The following CSNK1E variants were observed in gnomAD, a reference collection of about 807,000 sequenced individuals.
CSNK1E encodes the protein casein kinase I isoform epsilon.
CSNK1E carries 17 observed loss-of-function variants against 46.1 expected under a neutral mutation model. The observed-to-expected ratio is 0.37, with a 90% CI of 0.25 to 0.55. The LOEUF (loss-of-function observed/expected upper bound fraction) is 0.55, where lower values mean the gene tolerates loss of function less well. CSNK1E is among the 20% of genes least tolerant of loss of function. The pLI, the probability that CSNK1E is intolerant of heterozygous loss-of-function variation, is 0.82. For missense variants in CSNK1E, 386 were observed against 595.4 expected (o/e 0.65, Z 3.66); for synonymous variants, 241 against 242.6 (o/e 0.99, Z 0.06).
intron 7 of CSNK1E, among the ~76,000 whole-genome samples, chr22:38,297,361 G>C (rs1269115142): frequency 1.3e-5 from 2 of 152,232 alleles, no homozygotes; most frequent in African/African-American, 4.8e-5. Flanking sequence ...GACGTCCCCT[G>C]CCCATATCCC....
intron 7 of CSNK1E, chr22:38,296,743 G>T: frequency 6.3e-7 from 1 of 1,582,356 alleles, no homozygotes; most frequent in Non-Finnish European, 8.6e-7. Context: ...CATAAGGGAG[G>T]AACCTAGAGC....
chr22:38,302,713 AAAAT>A lies in CSNK1E; in HGVS notation c.336+144_336+147del, dbSNP rs768022823. The stretch of plus-strand genomic sequence containing the variant: ...GCGACAGAGTGAGACTCCGCCTCAA[AAAAT>A]AAATAAACACCTACAATTCTATAGC... On this transcript the variant is annotated intron_variant, in intron 4 of 10. Coordinates refer to ENST00000396832, the MANE Select transcript of CSNK1E (RefSeq NM_152221.3). 560 of 984,520 alleles carry A rather than the reference AAAAT, an allele frequency of 5.7e-4. 4 individuals are homozygous for A. Among genetic ancestry groups the A allele is most frequent in the Middle Eastern group, 6.5e-4 (2 of 3,096 alleles). The allele number at this position is 984,520 out of a possible 1,614,324, so 61.0% of individuals were successfully genotyped here. A position where few individuals can be genotyped will look rare whatever the true frequency, so the allele number is the denominator to read the frequency against.
At chr22:38,293,882 T>C in intron 9 of CSNK1E, 1 of 563,188 alleles carries the variant, frequency 1.8e-6, no homozygotes, top group East Asian at 2.9e-5. Flanking sequence ...CTGTGCCACT[T>C]GCCAGGGAAT....
intron 10 of CSNK1E, chr22:38,292,280 CT>C (rs1569073641): frequency 6.6e-6 from 1 of 152,272 alleles, no homozygotes; most frequent in East Asian, 1.9e-4. Context: ...AGCCACTGCA[CT>C]TGGCCCCCCA....
At chr22:38,311,397 G>C (rs1164480055) in intron 2 of CSNK1E, among the ~76,000 whole-genome samples, 1 of 152,192 alleles carries the variant, frequency 6.6e-6, no homozygotes, top group Non-Finnish European at 1.5e-5. Flanking sequence ...AGATAAACAG[G>C]AAGTCCTGTC....
rs1023306806 is a variant in CSNK1E, at chr22:38,295,440, G to A, written c.886-906C>T. Reference sequence around the variant, plus strand: ...AAGGGCAGGGGGCTGGCAGGAAGGGGGCCGCATCTGTGGAGGAGAGAGCTC... The same window carrying A: ...AAGGGCAGGGGGCTGGCAGGAAGGGAGCCGCATCTGTGGAGGAGAGAGCTC... On this transcript the variant is annotated intron_variant, in intron 7 of 10. Transcript: ENST00000396832. 5.1e-6 allele frequency: 5 copies of A among 976,656 alleles called. No homozygotes were observed. In the African/African-American group the frequency reaches 7.0e-5, roughly 14 times the overall value. The allele number at this position is 976,656 out of a possible 1,614,324, so 60.5% of individuals were successfully genotyped here. A position where few individuals can be genotyped will look rare whatever the true frequency, so the allele number is the denominator to read the frequency against.
chr22:38,293,743 C>T (rs897524931), intron 9 of CSNK1E, among the ~76,000 whole-genome samples: 1 of 152,112 alleles, frequency 6.6e-6, no homozygotes, highest in Non-Finnish European at 1.5e-5. Context: ...TGCCCCTACA[C>T]CCCATGCTCT....
intron 2 of CSNK1E, among the ~76,000 whole-genome samples, chr22:38,306,727 CTCAA>C (rs1421931491): frequency 6.4e-5 from 2 of 31,300 alleles, no homozygotes; most frequent in Non-Finnish European, 1.2e-4. Flanking sequence ...AAGACTCCAT[CTCAA>C]AAAAAAAAAA....
chr22:38,291,981 C>A (rs1278701439), intron 10 of CSNK1E, 43 bp from the exon 11 acceptor site: 1 of 140,218 alleles, frequency 7.1e-6, no homozygotes, highest in Non-Finnish European at 1.5e-5. Flanking sequence ...ACACAGCTGT[C>A]TCTGGCTACT....
rs1267036391 is a variant in CSNK1E, at chr22:38,317,145, C to G, written c.-13+15G>C. ...TTTGCACCCTTCCGCGGGCCCGCGG[C>G]CCCCCGATATTTACCCCGCCGGGAA... On this transcript the variant is annotated intron_variant, in intron 1 of 10. Transcript: ENST00000396832. 6.6e-6 allele frequency: 1 copy of G among 151,286 alleles called. No homozygotes were observed. Among genetic ancestry groups the G allele is most frequent in the Non-Finnish European group, 1.5e-5 (1 of 67,612 alleles). 9.4% of individuals were successfully genotyped at this position (151,286 alleles called of 1,614,324 possible). A position where few individuals can be genotyped will look rare whatever the true frequency, so the allele number is the denominator to read the frequency against.
In CSNK1E at chr22:38,313,445, C is replaced by T. The variant is rs1272563331; in HGVS notation, c.76+637G>A. The stretch of plus-strand genomic sequence containing the variant: ...GCCCCTCAGAAGTGGCACTGAAAGG[C>T]GCAAGCCTCATTTCTCCCAGGCCAA... On this transcript the variant is annotated intron_variant, in intron 2 of 10. Transcript: ENST00000396832. 3.3e-5 allele frequency among the ~76,000 whole-genome samples: 5 copies of T among 152,224 alleles called. No homozygotes were observed. The East Asian group carries it at 9.6e-4, about 29-fold the overall frequency.
chr22:38,313,567 A>C (rs976331176), intron 2 of CSNK1E, among the ~76,000 whole-genome samples: 3 of 152,190 alleles, frequency 2.0e-5, no homozygotes, highest in African/African-American at 4.8e-5. Context: ...AAAGAGAGAG[A>C]GAGAACTCCC....
intron 7 of CSNK1E, chr22:38,297,141 T>C (rs912536123): frequency 2.6e-6 from 2 of 779,110 alleles, no homozygotes; most frequent in Admixed American, 1.7e-5. Context: ...GGCTACCATC[T>C]TGGACAGTGT....
Position 38,309,636 on chromosome 22 carries a change from G to A in CSNK1E, c.76+4446C>T, listed in dbSNP as rs2092712677. On this transcript the variant is annotated intron_variant, in intron 2 of 10. Transcript: ENST00000396832. This position sits in a 1 kb window ranked among gnomAD's most constrained non-coding sequence, Gnocchi z 4.8. ...CGCCTGGCTAATTTTTGTATTATTA[G>A]TAGAGATGGGGTTTCACCATGTTGG... Among the ~76,000 whole-genome samples the A allele has an allele frequency of 1.3e-5, 2 of 152,056 alleles. No homozygotes were observed. The highest frequency in any genetic ancestry group is 1.3e-4 in the Admixed American group (2 of 15,278).
rs764145193 is a variant in CSNK1E, at chr22:38,298,751, T to TC, written c.885+34dup. 1 of 1,612,074 alleles carries TC rather than the reference T, an allele frequency of 6.2e-7. No individual in the cohort carries two copies. Among genetic ancestry groups the TC allele is most frequent in the Non-Finnish European group, 8.5e-7 (1 of 1,179,176 alleles). On this transcript the variant is annotated intron_variant, in intron 7 of 10. Coordinates refer to ENST00000396832, the MANE Select transcript of CSNK1E (RefSeq NM_152221.3). The surrounding 1 kb of genome is among the most constrained non-coding windows in gnomAD (Gnocchi z 4.2). ...CTGAGTCAGGGCCTTCCCCATCCAG[T>TC]CCCCCAAGCCCGCCTTGGCCTCCAG...
intron 7 of CSNK1E, among the ~76,000 whole-genome samples, chr22:38,295,713 C>T (rs2092636845): frequency 6.6e-6 from 1 of 152,344 alleles, no homozygotes; most frequent in Non-Finnish European, 1.5e-5. Flanking sequence ...GCCACCTAGT[C>T]CCACTCTGCT....
Position 38,314,113 on chromosome 22 carries a change from G to A in CSNK1E, c.45C>T (p.Ile15=), listed in dbSNP as rs377709817. The change falls in exon 2 of 11, where the codon ATC becomes ATT. Residue 15 remains isoleucine (I), a synonymous_variant. Transcript: ENST00000396832. The stretch of plus-strand genomic sequence containing the variant: ...AGATATCTCCGAAGGACCCGCTCCC[G>A]ATCTTCCGTCCCAGGCGGTACTTGT... The part of the protein sequence containing the change: ...VGNKYRLGRK[I]GSGSFGDIYL... 30 of 1,614,050 alleles carry A rather than the reference G, an allele frequency of 1.9e-5. No homozygotes were observed. The highest frequency in any genetic ancestry group is 2.7e-5 in the African/African-American group (2 of 75,038).
Position 38,303,279 on chromosome 22 carries a change from G to A in CSNK1E, c.77-31C>T, listed in dbSNP as rs1454903265. 2 of 1,561,390 alleles carry A rather than the reference G, an allele frequency of 1.3e-6. No homozygotes were observed. Among genetic ancestry groups the A allele is most frequent in the Admixed American group, 3.7e-5 (2 of 54,678 alleles). On this transcript the variant is annotated intron_variant, in intron 2 of 10. Transcript: ENST00000396832. The surrounding 1 kb of genome is among the most constrained non-coding windows in gnomAD (Gnocchi z 4.7). Reference sequence around the variant, plus strand: ...CGGGGCAGGGAGGCAAGGGACCAGGGTCACCCTCAAAGGCCAGGCAGTCCC... The same window carrying A: ...CGGGGCAGGGAGGCAAGGGACCAGGATCACCCTCAAAGGCCAGGCAGTCCC...
intron 2 of CSNK1E, among the ~76,000 whole-genome samples, chr22:38,312,943 G>A (rs566440620): frequency 2.6e-5 from 4 of 152,286 alleles, no homozygotes; most frequent in South Asian, 2.1e-4. Context: ...TTTCTAGAGC[G>A]GTCTTGGGAG....
Sources: gnomAD v4.1 joint callset for allele counts (sites outside exome capture counted in the v4.1 genomes callset) on GRCh38, gnomAD v4.1.1 for gene constraint, Gnocchi (gnomAD v3.1) non-coding constraint, MANE v1.5 for transcripts, NCBI Gene and HGNC (gene_info 2026-07-23, HGNC 2026-07-21) for gene names.